Variants in MPP7 observed in about 807,000 individuals in gnomAD.
The protein encoded by MPP7 is MAGUK p55 scaffold protein 7, also known as MAGUK p55 subfamily member 7.
Under a neutral mutation model 76.5 loss-of-function variants are expected in MPP7, and 60 were observed. The ratio of observed to expected loss-of-function variants is 0.78; its 90% CI spans 0.64 to 0.97. The LOEUF (loss-of-function observed/expected upper bound fraction) is 0.97, where lower values mean the gene tolerates loss of function less well. Ranked by LOEUF, MPP7 falls within the 50% of genes least tolerant of loss-of-function variation. The pLI is 0.00. For missense variants in MPP7, 641 were observed against 694.0 expected (o/e 0.92, Z 0.86); for synonymous variants, 237 against 244.5 (o/e 0.97, Z 0.29).
intron 2 of MPP7, among the ~76,000 whole-genome samples, chr10:28,326,960 C>T (rs961898134): frequency 6.6e-6 from 1 of 152,276 alleles, no homozygotes; most frequent in African/African-American, 2.4e-5. Flanking sequence ...TCAGCCATGA[C>T]AATGAACGGT....
chr10:28,118,441 A>G (rs1037249165), intron 11 of MPP7: 1 of 984,980 alleles, frequency 1.0e-6, no homozygotes, highest in Non-Finnish European at 1.2e-6. Context: ...TAAGTGACAC[A>G]TTATCTTATC....
intron 2 of MPP7, among the ~76,000 whole-genome samples, chr10:28,226,163 C>G (rs1245280595): frequency 1.3e-5 from 2 of 152,024 alleles, no homozygotes; most frequent in Non-Finnish European, 2.9e-5. Flanking sequence ...TCTATGATTC[C>G]ACTTACATGA....
intron 2 of MPP7, among the ~76,000 whole-genome samples, chr10:28,312,732 C>T (rs1214743953): frequency 6.6e-6 from 1 of 152,196 alleles, no homozygotes; most frequent in Non-Finnish European, 1.5e-5. Flanking sequence ...TAAGCTCAGT[C>T]ATCTTTGTAC....
chr10:28,319,187 G>A (rs191588048), intron 2 of MPP7, among the ~76,000 whole-genome samples: 95 of 152,192 alleles, frequency 6.2e-4, no homozygotes, highest in African/African-American at 2.2e-3. Context: ...GAGGGTGAAG[G>A]GGTAGGTGCT....
rs1020935031 is a variant in MPP7, at chr10:28,120,140, C to T, written c.887+54G>A. The T allele has an allele frequency of 1.0e-5, 16 of 1,537,766 alleles. No individual in the cohort carries two copies. The South Asian group carries it at 1.9e-4, about 18-fold the overall frequency. The stretch of plus-strand genomic sequence containing the variant: ...ACATCAATGCCAGAATGATATTTTG[C>T]AGAGAACAAAAGGTCAGCTGGAGAA... On this transcript the variant is annotated intron_variant, in intron 10 of 16. Transcript: ENST00000683449.
intron 1 of MPP7, among the ~76,000 whole-genome samples, chr10:28,291,358 C>T (rs1288321426): frequency 6.6e-6 from 1 of 152,214 alleles, no homozygotes; most frequent in Non-Finnish European, 1.5e-5. Context: ...GTAATCCCAG[C>T]ACTTTGGGAG....
At chr10:28,240,395 T>C (rs1839228900) in intron 1 of MPP7, among the ~76,000 whole-genome samples, 1 of 152,156 alleles carries the variant, frequency 6.6e-6, no homozygotes, top group African/African-American at 2.4e-5. Context: ...TGCTTTTTAA[T>C]TGTTAAAGTG....
intron 11 of MPP7, among the ~76,000 whole-genome samples, chr10:28,115,069 G>GTTTT (rs200190502): frequency 3.7e-5 from 5 of 133,338 alleles, no homozygotes; most frequent in East Asian, 3.8e-4. Flanking sequence ...AATACGTTAG[G>GTTTT]TTTTTTGTTT....
At chr10:28,134,924 T>C (rs1240886429) in intron 5 of MPP7, among the ~76,000 whole-genome samples, 1 of 152,106 alleles carries the variant, frequency 6.6e-6, no homozygotes, top group Non-Finnish European at 1.5e-5. Flanking sequence ...CAGAATTGTG[T>C]ACCCAGCAAA....
At chr10:28,334,974 G>T (rs544961322), upstream of MPP7, among the ~76,000 whole-genome samples, 2 of 152,216 alleles carry the variant, frequency 1.3e-5, no homozygotes, top group Non-Finnish European at 2.9e-5. Flanking sequence ...CAAATTAGCT[G>T]AAAGTTTCTG....
At chr10:28,325,405 CT>C (rs1834401669) in intron 2 of MPP7, among the ~76,000 whole-genome samples, 1 of 151,968 alleles carries the variant, frequency 6.6e-6, no homozygotes, top group South Asian at 2.1e-4. Flanking sequence ...AATCTCAGCA[CT>C]TTGGAAGGCA....
chr10:28,101,003 T>C (rs1261756727), intron 11 of MPP7, among the ~76,000 whole-genome samples: 1 of 152,118 alleles, frequency 6.6e-6, no homozygotes, highest in African/African-American at 2.4e-5. Flanking sequence ...GTTATGCATA[T>C]GTAAAATTGT....
chr10:28,181,647 G>T (rs1193518994), intron 3 of MPP7, among the ~76,000 whole-genome samples: 1 of 152,190 alleles, frequency 6.6e-6, no homozygotes, highest in African/African-American at 2.4e-5. Context: ...CTTTAATCAG[G>T]CAATCTCCCT....
At chr10:28,102,249 C>T (rs1853859506) in intron 11 of MPP7, among the ~76,000 whole-genome samples, 1 of 152,108 alleles carries the variant, frequency 6.6e-6, no homozygotes, top group South Asian at 2.1e-4. Context: ...CTCAAGTGAT[C>T]CTCTCGCCTC....
chr10:28,243,535 A>G (rs1839340475), intron 1 of MPP7, among the ~76,000 whole-genome samples: 1 of 152,212 alleles, frequency 6.6e-6, no homozygotes, highest in South Asian at 2.1e-4. Flanking sequence ...AAGATTGATC[A>G]ATGGATTTAA....
chr10:28,133,049 G>A (rs150486393), intron 5 of MPP7, among the ~76,000 whole-genome samples: 356 of 152,278 alleles, frequency 2.3e-3, no homozygotes, highest in African/African-American at 8.3e-3. Flanking sequence ...GTCTATGGCC[G>A]CTGTCATGCT....
chr10:28,324,691 G>T (rs1251495292), intron 2 of MPP7, among the ~76,000 whole-genome samples: 1 of 152,200 alleles, frequency 6.6e-6, no homozygotes, highest in East Asian at 1.9e-4. Context: ...ACTGGAGACA[G>T]GTTTAACAAT....
chr10:28,247,952 T>G (rs925200098), intron 1 of MPP7, among the ~76,000 whole-genome samples: 1 of 152,210 alleles, frequency 6.6e-6, no homozygotes, highest in Non-Finnish European at 1.5e-5. Context: ...ACTTTGTAAA[T>G]TTTTAATTTG....
intron 1 of MPP7, among the ~76,000 whole-genome samples, chr10:28,277,804 G>A (rs1444686806): frequency 6.6e-6 from 1 of 152,042 alleles, no homozygotes; most frequent in African/African-American, 2.4e-5. Flanking sequence ...ATGTCAAAGG[G>A]GAAAAGAGCA....
Sources: gnomAD v4.1 joint callset for allele counts (sites outside exome capture counted in the v4.1 genomes callset) on GRCh38, gnomAD v4.1.1 for gene constraint, MANE v1.5 for transcripts, NCBI Gene and HGNC (gene_info 2026-07-23, HGNC 2026-07-21) for gene names.